The following FSTL4 variants were observed in gnomAD, a reference collection of about 807,000 sequenced individuals.
FSTL4 encodes the protein follistatin-related protein 4.
Under a neutral mutation model 78.2 loss-of-function variants are expected in FSTL4, and 28 were observed. The ratio of observed to expected loss-of-function variants is 0.36; its 90% CI spans 0.27 to 0.49. The LOEUF (loss-of-function observed/expected upper bound fraction) is 0.49. Ranked by LOEUF, FSTL4 falls within the 20% of genes least tolerant of loss-of-function variation. The probability of loss-of-function intolerance (pLI) is 0.98; values close to 1 mark genes in which losing one functional copy is unlikely to be tolerated. For synonymous variants in FSTL4, 422 were observed against 440.5 expected (o/e 0.96, Z 0.53); for missense variants, 922 against 1,084.9 (o/e 0.85, Z 2.11).
the FSTL4 span, among the ~76,000 whole-genome samples, chr5:133,778,119 G>A: frequency 6.6e-6 from 1 of 152,210 alleles, no homozygotes; most frequent in African/African-American, 2.4e-5. Context: ...GGTCACTGAT[G>A]TGCTGCCTAT....
chr5:133,782,508 G>C, the FSTL4 span, among the ~76,000 whole-genome samples: 2 of 152,186 alleles, frequency 1.3e-5, no homozygotes, highest in African/African-American at 4.8e-5. Flanking sequence ...TGCCCTTCAC[G>C]ACTGGTCGGC....
At chr5:133,418,121 T>A (rs549452485) in intron 3 of FSTL4, among the ~76,000 whole-genome samples, 2 of 151,730 alleles carry the variant, frequency 1.3e-5, no homozygotes, top group South Asian at 4.2e-4. Context: ...AAGACATCAC[T>A]AAACTAGAAA....
rs1751654892 is a variant in FSTL4 at position 133,236,200 on chromosome 5, C to G, written c.895-2663G>C. Among the ~76,000 whole-genome samples the G allele has an allele frequency of 6.8e-6, 1 of 147,162 alleles. No homozygotes were observed. The highest frequency in any genetic ancestry group is 2.4e-5 in the African/African-American group (1 of 41,114). ...CCTTGAAGCTGGCCTCAGGCTCTGG[C>G]AGGCCCTGCCCTCATCACCACCTGT... On this transcript the variant is annotated intron_variant, in intron 7 of 15. Coordinates refer to ENST00000265342, the MANE Select transcript of FSTL4 (RefSeq NM_015082.2). This position sits in a 1 kb window ranked among gnomAD's most constrained non-coding sequence, Gnocchi z 5.0.
chr5:133,735,559 A>G, the FSTL4 span, among the ~76,000 whole-genome samples: 1 of 152,160 alleles, frequency 6.6e-6, no homozygotes, highest in Non-Finnish European at 1.5e-5. Context: ...CTGTCCCCAA[A>G]CAACCTTTGC....
Position 133,544,320 on chromosome 5 carries a change from A to AT in FSTL4, c.160+22865dup, listed in dbSNP as rs1040151964. On this transcript the variant is annotated intron_variant, in intron 3 of 15. Coordinates refer to ENST00000265342, the MANE Select transcript of FSTL4 (RefSeq NM_015082.2). ...AATGAAGGTGTGTTAAAAATCTTTTATTTTTTTTTCAGAAATGTCTCCATT... is the reference window on the plus strand; with the variant it reads ...AATGAAGGTGTGTTAAAAATCTTTTATTTTTTTTTTCAGAAATGTCTCCATT... Among the ~76,000 whole-genome samples, 26 of 150,892 alleles carry AT rather than the reference A, an allele frequency of 1.7e-4. No individual in the cohort carries two copies. In the East Asian group the frequency reaches 2.9e-3, roughly 17 times the overall value.
intron 5 of FSTL4, among the ~76,000 whole-genome samples, chr5:133,314,689 G>A (rs1487546645): frequency 6.6e-6 from 1 of 152,018 alleles, no homozygotes; most frequent in Non-Finnish European, 1.5e-5. Flanking sequence ...CCCAGGCAGT[G>A]AACAACTCAG....
At chr5:133,711,463 T>C in the FSTL4 span, among the ~76,000 whole-genome samples, 643 of 152,290 alleles carry the variant, frequency 4.2e-3, 12 homozygotes, top group African/African-American at 0.015. Context: ...ATGGAGGGTG[T>C]GAGGGGCCCC....
At chr5:133,599,596 T>C (rs527540653) in intron 2 of FSTL4, among the ~76,000 whole-genome samples, 5 of 152,336 alleles carry the variant, frequency 3.3e-5, no homozygotes, top group Admixed American at 6.5e-5. Context: ...ACTATGTATA[T>C]GCCATGGGTA....
At chr5:133,644,485 C>A in the FSTL4 span, among the ~76,000 whole-genome samples, 50,923 of 151,832 alleles carry the variant, frequency 0.34, 8,698 homozygotes, top group Admixed American at 0.42. Flanking sequence ...ATCTTCATTC[C>A]CAGTGGCCGG....
At chr5:133,506,548 T>C (rs1379542130) in intron 3 of FSTL4, among the ~76,000 whole-genome samples, 1 of 152,196 alleles carries the variant, frequency 6.6e-6, no homozygotes, top group African/African-American at 2.4e-5. Context: ...ATAAAAATTC[T>C]GGGTTTTTCC....
chr5:133,295,866 A>C (rs2115065), intron 6 of FSTL4, among the ~76,000 whole-genome samples: 106,826 of 152,004 alleles, frequency 0.7, 37,829 homozygotes, highest in Non-Finnish European at 0.73. Flanking sequence ...AGAGGCTCTT[A>C]GGGCTCTGTC....
intron 2 of FSTL4, among the ~76,000 whole-genome samples, chr5:133,568,244 T>G (rs977694941): frequency 1.3e-5 from 2 of 152,174 alleles, no homozygotes; most frequent in African/African-American, 4.8e-5. Context: ...ATAAACGACA[T>G]GTTTTGGATA....
the FSTL4 span, among the ~76,000 whole-genome samples, chr5:133,694,172 C>A: frequency 6.6e-6 from 1 of 152,194 alleles, no homozygotes; most frequent in Non-Finnish European, 1.5e-5. Context: ...TCAACTGATG[C>A]AATTTGTGCC....
chr5:133,454,988 C>T (rs1757457169), intron 3 of FSTL4, among the ~76,000 whole-genome samples: 2 of 152,226 alleles, frequency 1.3e-5, no homozygotes, highest in South Asian at 2.1e-4. Flanking sequence ...CTTGTTGACT[C>T]GGTGCCCCAC....
chr5:133,204,941 G>T (rs1318711815), intron 14 of FSTL4, among the ~76,000 whole-genome samples: 2 of 152,074 alleles, frequency 1.3e-5, no homozygotes, highest in Non-Finnish European at 2.9e-5. Context: ...GTGAGCAATG[G>T]TTTCTTTAAT....
chr5:133,661,090 A>G, the FSTL4 span, among the ~76,000 whole-genome samples: 1 of 152,230 alleles, frequency 6.6e-6, no homozygotes, highest in Non-Finnish European at 1.5e-5. Flanking sequence ...TCCTGGGTTC[A>G]AGCGATTCTC....
chr5:133,527,646 A>G (rs1015567863), intron 3 of FSTL4, among the ~76,000 whole-genome samples: 2 of 152,252 alleles, frequency 1.3e-5, no homozygotes, highest in African/African-American at 2.4e-5. Context: ...GAGGGAACTC[A>G]GAGTAGCAAG....
intron 3 of FSTL4, among the ~76,000 whole-genome samples, chr5:133,563,931 C>T (rs1759974072): frequency 6.6e-6 from 1 of 152,136 alleles, no homozygotes; most frequent in Non-Finnish European, 1.5e-5. Flanking sequence ...GTCCTAGGGC[C>T]ACCATAATAA....
intron 6 of FSTL4, among the ~76,000 whole-genome samples, chr5:133,289,320 T>G (rs1753204845): frequency 6.6e-6 from 1 of 152,192 alleles, no homozygotes; most frequent in Non-Finnish European, 1.5e-5. Flanking sequence ...TAGAGCCCTT[T>G]CCTTCTCTAT....
Sources: gnomAD v4.1 joint callset for allele counts (sites outside exome capture counted in the v4.1 genomes callset) on GRCh38, gnomAD v4.1.1 for gene constraint, Gnocchi (gnomAD v3.1) non-coding constraint, MANE v1.5 for transcripts, NCBI Gene and HGNC (gene_info 2026-07-23, HGNC 2026-07-21) for gene names.